USP53: variants seen among roughly 807,000 people sequenced by gnomAD.
The protein encoded by USP53 is ubiquitin specific peptidase 53, also known as ubiquitin carboxyl-terminal hydrolase 53.
Under a neutral mutation model 94.9 loss-of-function variants are expected in USP53, and 71 were observed. That is an observed-to-expected ratio of 0.75 (90% confidence interval 0.62 to 0.91). The LOEUF is 0.91. Ranked by LOEUF, USP53 falls within the 40% of genes least tolerant of loss-of-function variation. USP53 has a pLI of 0.00. For missense variants in USP53, 1,173 were observed against 1,281.0 expected (o/e 0.92, Z 1.29); for synonymous variants, 375 against 422.7 (o/e 0.89, Z 1.39).
chr4:119,248,967 A>G, intron 7 of USP53, 85 bp downstream of exon 7: 2 of 1,530,896 alleles, frequency 1.3e-6, no homozygotes, highest in Non-Finnish European at 1.8e-6. Flanking sequence ...AATGAAACAA[A>G]AATTTAGAAC....
rs188332455 is a variant in USP53, at chr4:119,222,565, G to A, written c.-665+4892G>A. On this transcript the variant is annotated intron_variant, in intron 3 of 18. Coordinates refer to ENST00000692078, the MANE Select transcript of USP53 (RefSeq NM_001371395.1). ...GAGTACATGGGATATTTGTCTTTCCGTGCCTGTCTTATATCACTTAATATC... is the reference window on the plus strand; with the variant it reads ...GAGTACATGGGATATTTGTCTTTCCATGCCTGTCTTATATCACTTAATATC... Among the ~76,000 whole-genome samples the A allele has an allele frequency of 8.6e-5, 13 of 151,996 alleles. No homozygotes were observed. In the East Asian group the frequency reaches 1.2e-3, roughly 14 times the overall value.
rs565327526 is a variant in USP53 at position 119,236,783 on chromosome 4, C to T, written c.-543+1372C>T. Among the ~76,000 whole-genome samples, 3 of 152,258 alleles carry T rather than the reference C, an allele frequency of 2.0e-5. No individual in the cohort carries two copies. In the East Asian group the frequency reaches 5.8e-4, roughly 29 times the overall value. ...TACTTTCTCCACTGAAGTCTTGAGC[C>T]CCTCAGAGTCATTCATAAGTGTTGG... On this transcript the variant is annotated intron_variant, in intron 4 of 18. Coordinates refer to ENST00000692078, the MANE Select transcript of USP53 (RefSeq NM_001371395.1).
intron 4 of USP53, among the ~76,000 whole-genome samples, chr4:119,238,136 T>C (rs1747032045): frequency 6.6e-6 from 1 of 152,218 alleles, no homozygotes; most frequent in Non-Finnish European, 1.5e-5. Context: ...AGCTTTCCCT[T>C]TGCATTCACA....
chr4:119,285,189 G>A lies in USP53; in HGVS notation c.2252-5976G>A, dbSNP rs73844727. On this transcript the variant is annotated intron_variant, in intron 17 of 18. Transcript: ENST00000692078. Reference sequence around the variant, plus strand: ...AGACAGAATTTGAATGAAAAGGATGGCAGCTTTTCTGTGATGAAGGAGAGA... The same window carrying A: ...AGACAGAATTTGAATGAAAAGGATGACAGCTTTTCTGTGATGAAGGAGAGA... Among the ~76,000 whole-genome samples, 1,225 of 151,918 alleles carry A rather than the reference G, an allele frequency of 8.1e-3. 15 individuals are homozygous for A. Among genetic ancestry groups the A allele is most frequent in the African/African-American group, 0.027 (1,102 of 41,524 alleles).
chr4:119,276,377 C>T (rs1267836859), intron 17 of USP53, among the ~76,000 whole-genome samples: 27 of 149,584 alleles, frequency 1.8e-4, no homozygotes, highest in African/African-American at 6.1e-4. Context: ...TTGTCTTTGG[C>T]TCTGTTTATA....
chr4:119,224,116 C>T (rs929524828), intron 3 of USP53, among the ~76,000 whole-genome samples: 10 of 152,212 alleles, frequency 6.6e-5, no homozygotes, highest in Admixed American at 5.9e-4. Context: ...TGTCCTGCCT[C>T]AGCCTCCTGA....
At chr4:119,225,562 C>T (rs886541549) in intron 3 of USP53, among the ~76,000 whole-genome samples, 8 of 151,984 alleles carry the variant, frequency 5.3e-5, no homozygotes, top group South Asian at 2.1e-4. Flanking sequence ...CTGGCTAACA[C>T]GGTGAAACCC....
chr4:119,249,234 T>TA (rs1748641035), intron 7 of USP53, among the ~76,000 whole-genome samples: 1 of 152,174 alleles, frequency 6.6e-6, no homozygotes, highest in African/African-American at 2.4e-5. Context: ...CAGTAATAGT[T>TA]ATCATTGCAT....
At chr4:119,283,027 C>CT (rs985753324) in intron 17 of USP53, among the ~76,000 whole-genome samples, 2 of 151,820 alleles carry the variant, frequency 1.3e-5, no homozygotes, top group African/African-American at 4.8e-5. Context: ...ACCGTTATTT[C>CT]TTTTTTTATT....
At chr4:119,289,148 C>T (rs937406680) in intron 17 of USP53, among the ~76,000 whole-genome samples, 13 of 152,086 alleles carry the variant, frequency 8.5e-5, no homozygotes, top group Non-Finnish European at 1.2e-4. Context: ...ATTACCACAG[C>T]AAAAGTGCTT....
intron 12 of USP53, among the ~76,000 whole-genome samples, chr4:119,264,685 T>A (rs1317656499): frequency 6.6e-6 from 1 of 152,170 alleles, no homozygotes; most frequent in East Asian, 1.9e-4. Flanking sequence ...CAGTAGTTGG[T>A]GAGGATAGGA....
At chr4:119,288,925 C>T (rs867102053) in intron 17 of USP53, among the ~76,000 whole-genome samples, 24 of 118,452 alleles carry the variant, frequency 2.0e-4, no homozygotes, top group Admixed American at 1.2e-3. Context: ...GCAACAAGAG[C>T]GAAACTCTGT....
chr4:119,280,351 A>G (rs1753373717), intron 17 of USP53, among the ~76,000 whole-genome samples: 1 of 151,970 alleles, frequency 6.6e-6, no homozygotes, highest in African/African-American at 2.4e-5. Flanking sequence ...GTATCTGTCT[A>G]TGGTGGCTTG....
Position 119,292,839 on chromosome 4 carries a change from G to A in USP53, c.2850G>A (p.Glu950=), listed in dbSNP as rs1754916289. The change falls in exon 19 of 19, where the codon GAG becomes GAA. Residue 950 remains glutamate, a synonymous_variant. Transcript: ENST00000692078. Reference sequence around the variant, plus strand: ...CTACACCTGATGTCAAACTTACAGAGGTGTTTAAAGCTACCTCTCATCTTC... The same window carrying A: ...CTACACCTGATGTCAAACTTACAGAAGTGTTTAAAGCTACCTCTCATCTTC... ...SESTPDVKLT[E]VFKATSHLPK... 6.2e-7 allele frequency: 1 copy of A among 1,614,100 alleles called. No homozygotes were observed. The highest frequency in any genetic ancestry group is 8.5e-7 in the Non-Finnish European group (1 of 1,179,982).
chr4:119,293,040 T>C lies in USP53; in HGVS notation c.3051T>C (p.Phe1017=). 1.2e-6 allele frequency: 2 copies of C among 1,614,124 alleles called. No homozygotes were observed. The highest frequency in any genetic ancestry group is 1.7e-6 in the Non-Finnish European group (2 of 1,179,968). ...CAAACTCAGGTGCCATTGATGCATT[T>C]TGCCAACCAGAACTAGACTCTATTT... is the stretch of plus-strand genomic sequence containing the variant. ...FQANSGAIDA[F]CQPELDSIST... The change falls in exon 19 of 19, where the codon TTT becomes TTC. Residue 1017 remains phenylalanine (F), a synonymous_variant. Transcript: ENST00000692078.
At chr4:119,236,979 G>T (rs1414109586) in intron 4 of USP53, among the ~76,000 whole-genome samples, 2 of 152,150 alleles carry the variant, frequency 1.3e-5, no homozygotes, top group Non-Finnish European at 2.9e-5. Flanking sequence ...CTTATGAAAT[G>T]TGTTTCTTAA....
intron 18 of USP53, among the ~76,000 whole-genome samples, chr4:119,291,887 A>G (rs1186600356): frequency 1.3e-5 from 2 of 152,070 alleles, no homozygotes; most frequent in African/African-American, 4.8e-5. Context: ...TAATAAAGTA[A>G]TTAATATACT....
At position 119,292,340 on chromosome 4, in the gene USP53, C is replaced by A; in HGVS notation, c.2351C>A (p.Ser784Ter). Residue 784 changes from serine to a stop codon, truncating the protein, a stop_gained and splice_region_variant, in exon 19 of 19, where the codon TCA (serine) becomes TAA (stop). Transcript: ENST00000692078. LOFTEE classifies it low-confidence loss of function (END_TRUNC). ...TTGTTTTTATTTTCATATTTCAGAT[C>A]ACATGTACATGAAGACAATGGAAAG... ...LQIKNHLIKRSHVHEDNGKLF... is the reference protein window; with the variant it reads ...LQIKNHLIKR 1 of 1,575,052 alleles carries A rather than the reference C, an allele frequency of 6.3e-7. No individual in the cohort carries two copies. The highest frequency in any genetic ancestry group is 1.2e-5 in the South Asian group (1 of 84,122).
At chr4:119,260,434 TATA>T (rs1750354599) in intron 10 of USP53, 70 bp from the exon 11 acceptor site, 1 of 1,358,860 alleles carries the variant, frequency 7.4e-7, no homozygotes, top group African/African-American at 1.4e-5. Flanking sequence ...ATTGTCATTA[TATA>T]ATGCAAACTG....
Sources: allele counts gnomAD v4.1 joint callset (sites outside exome capture counted in the v4.1 genomes callset), GRCh38; gene constraint gnomAD v4.1.1; transcripts MANE v1.5; gene names NCBI Gene and HGNC (gene_info 2026-07-23, HGNC 2026-07-21).